CDH12: variants seen among roughly 807,000 people sequenced by gnomAD.
CDH12 encodes cadherin 12, also known as cadherin-12.
In CDH12, 41 loss-of-function variants were observed where a neutral mutation model predicts 74.1. The observed-to-expected ratio is 0.55, with a 90% confidence interval of 0.43 to 0.72. The LOEUF (loss-of-function observed/expected upper bound fraction) is 0.72, where lower values mean the gene tolerates loss of function less well. Ranked by LOEUF, CDH12 falls within the 30% of genes least tolerant of loss-of-function variation. The pLI is 0.00. For missense variants in CDH12, 945 were observed against 977.2 expected, an observed-to-expected ratio of 0.97 and a Z score of 0.44; for synonymous variants, 399 against 355.0, an observed-to-expected ratio of 1.12 and a Z score of -1.39.
At chr5:22,274,491 G>C (rs746447330) in intron 3 of CDH12, among the ~76,000 whole-genome samples, 6 of 152,032 alleles carry the variant, frequency 3.9e-5, no homozygotes, top group Non-Finnish European at 8.8e-5. Flanking sequence ...TTTAGAATTG[G>C]ACAATCAATT....
At chr5:22,656,365 T>C (rs1240194881) in intron 1 of CDH12, among the ~76,000 whole-genome samples, 3 of 152,168 alleles carry the variant, frequency 2.0e-5, no homozygotes, top group African/African-American at 7.2e-5. Flanking sequence ...AAGACATGAA[T>C]AGACATTTAC....
intron 3 of CDH12, among the ~76,000 whole-genome samples, chr5:22,314,153 T>G (rs972590989): frequency 3.9e-5 from 6 of 152,186 alleles, no homozygotes; most frequent in East Asian, 3.9e-4. Context: ...TATATTCGAC[T>G]TGAAGTGTCA....
Position 21,802,209 on chromosome 5 carries a change from G to C in CDH12, c.1214C>G (p.Ala405Gly). Residue 405 changes from alanine to glycine, a missense_variant, in exon 10 of 15, where the codon GCT (alanine) becomes GGT (glycine). This residue lies in a region of CDH12 where 791 missense variants were observed against 792.8 expected (regional missense o/e 1.00). Coordinates refer to ENST00000382254, the MANE Select transcript of CDH12 (RefSeq NM_004061.5). ...EDTPVGTIIG[A>G]VTAQDLDVGS... ...TACATCCAGGTCTTGAGCAGTGACA[G>C]CGCCAATGATGGTCCCTACCGGAGT... 1 of 1,613,854 alleles carries C rather than the reference G, an allele frequency of 6.2e-7. No individual in the cohort carries two copies. Among genetic ancestry groups the C allele is most frequent in the Non-Finnish European group, 8.5e-7 (1 of 1,179,874 alleles).
At chr5:22,790,958 A>T (rs1277837559) in intron 1 of CDH12, among the ~76,000 whole-genome samples, 2 of 152,200 alleles carry the variant, frequency 1.3e-5, no homozygotes, top group Admixed American at 1.3e-4. Flanking sequence ...GGACCTTTCA[A>T]TCTTCGATGG....
At chr5:22,204,998 G>A (rs955279832) in intron 4 of CDH12, among the ~76,000 whole-genome samples, 3 of 152,150 alleles carry the variant, frequency 2.0e-5, no homozygotes, top group African/African-American at 7.2e-5. Context: ...ACTAGGCCTT[G>A]TCAACATGTA....
At chr5:22,054,021 A>G (rs1051054304) in intron 5 of CDH12, among the ~76,000 whole-genome samples, 9 of 152,126 alleles carry the variant, frequency 5.9e-5, no homozygotes, top group African/African-American at 1.9e-4. Context: ...GTTGAAGAAC[A>G]CGACTTGTTT....
chr5:21,937,575 ATTTCTTAG>A (rs1301893339), intron 6 of CDH12, among the ~76,000 whole-genome samples: 6 of 152,152 alleles, frequency 3.9e-5, no homozygotes, highest in Non-Finnish European at 7.4e-5. Context: ...GTCTAAAATG[ATTTCTTAG>A]TTTCTTAATC....
intron 4 of CDH12, among the ~76,000 whole-genome samples, chr5:22,097,764 C>T (rs960786757): frequency 6.6e-6 from 1 of 152,046 alleles, no homozygotes; most frequent in Non-Finnish European, 1.5e-5. Flanking sequence ...TCCTTAGCGA[C>T]CGATCATGTA....
chr5:22,400,103 T>TC (rs1311017200), intron 3 of CDH12, among the ~76,000 whole-genome samples: 1 of 152,126 alleles, frequency 6.6e-6, no homozygotes, highest in Non-Finnish European at 1.5e-5. Flanking sequence ...AACATATACT[T>TC]CCCCCCTTTC....
intron 5 of CDH12, among the ~76,000 whole-genome samples, chr5:22,021,896 G>T (rs1738007948): frequency 6.6e-6 from 1 of 152,130 alleles, no homozygotes. Context: ...GAAGCGCAGT[G>T]GCACAATCAT....
intron 4 of CDH12, among the ~76,000 whole-genome samples, chr5:22,187,498 G>T: frequency 6.6e-6 from 1 of 150,600 alleles, no homozygotes; most frequent in East Asian, 1.9e-4. Context: ...CTTTAAACTG[G>T]TGAATGCTAG....
intron 6 of CDH12, among the ~76,000 whole-genome samples, chr5:21,901,813 A>G (rs1194918848): frequency 6.6e-6 from 1 of 152,150 alleles, no homozygotes; most frequent in African/African-American, 2.4e-5. Flanking sequence ...AGTGGTTTAT[A>G]TCCATCATGA....
At chr5:22,499,139 C>T (rs1747233158) in intron 2 of CDH12, among the ~76,000 whole-genome samples, 1 of 151,086 alleles carries the variant, frequency 6.6e-6, no homozygotes, top group Admixed American at 6.6e-5. Flanking sequence ...GTTTTGAACT[C>T]CTGACCTCAA....
chr5:22,282,720 T>C (rs545353782), intron 3 of CDH12, among the ~76,000 whole-genome samples: 17 of 152,176 alleles, frequency 1.1e-4, no homozygotes, highest in African/African-American at 3.9e-4. Context: ...AGAATGATGA[T>C]CATTAAAAGT....
chr5:22,159,615 T>C (rs1748211379), intron 4 of CDH12, among the ~76,000 whole-genome samples: 1 of 152,206 alleles, frequency 6.6e-6, no homozygotes, highest in Non-Finnish European at 1.5e-5. Flanking sequence ...TTCATCTTGA[T>C]GCATTTTGTC....
intron 1 of CDH12, among the ~76,000 whole-genome samples, chr5:22,569,657 A>G (rs960835298): frequency 1.4e-4 from 22 of 152,152 alleles, no homozygotes; most frequent in Non-Finnish European, 3.1e-4. Flanking sequence ...CATTTCCAGA[A>G]ACCATTTTAT....
At chr5:22,819,648 A>G (rs1049230088) in intron 1 of CDH12, among the ~76,000 whole-genome samples, 1 of 151,862 alleles carries the variant, frequency 6.6e-6, no homozygotes, top group African/African-American at 2.4e-5. Context: ...CACATCAGAA[A>G]ATAAATGACC....
At position 22,212,572 on chromosome 5, in the gene CDH12, G is replaced by A. The variant is rs1337841988; in HGVS notation, c.-261C>T. ...CCGTGAATGGGGTGGGGAGATCGAA[G>A]TTTTCAATCAACACCCTCCAAGTAG... On this transcript the variant is annotated 5_prime_UTR_variant, in exon 4 of 15. Coordinates refer to ENST00000382254, the MANE Select transcript of CDH12 (RefSeq NM_004061.5). 1 of 985,136 alleles carries A rather than the reference G, an allele frequency of 1.0e-6. No individual in the cohort carries two copies. The highest frequency in any genetic ancestry group is 1.2e-6 in the Non-Finnish European group (1 of 829,408). 61.0% of individuals were successfully genotyped at this position (985,136 alleles called of 1,614,324 possible).
chr5:22,131,719 A>T (rs1032024988), intron 4 of CDH12, among the ~76,000 whole-genome samples: 1 of 152,254 alleles, frequency 6.6e-6, no homozygotes, highest in African/African-American at 2.4e-5. Flanking sequence ...AACCTGAAGG[A>T]AGTATTCTCA....
Sources: allele counts gnomAD v4.1 joint callset (sites outside exome capture counted in the v4.1 genomes callset), GRCh38; gene constraint gnomAD v4.1.1; regional missense constraint gnomAD v4.1.1; transcripts MANE v1.5; gene names NCBI Gene and HGNC (gene_info 2026-07-23, HGNC 2026-07-21).